Variants in TOX observed in about 807,000 individuals in gnomAD.
TOX encodes the protein thymocyte selection associated high mobility group box, also known as thymocyte selection-associated high mobility group box protein TOX.
TOX carries 11 observed loss-of-function variants against 53.7 expected under a neutral mutation model. The observed-to-expected ratio is 0.20, with a 90% CI of 0.13 to 0.34. TOX has a LOEUF of 0.34. Among genes scored for constraint, TOX ranks in the 10% least tolerant of loss-of-function variants. TOX has a pLI of 1.00. For synonymous variants in TOX, 225 were observed against 245.3 expected, an observed-to-expected ratio of 0.92 and a Z score of 0.77; for missense variants, 570 against 664.6, an observed-to-expected ratio of 0.86 and a Z score of 1.56.
intron 2 of TOX, among the ~76,000 whole-genome samples, chr8:58,954,282 C>T (rs1297975474): frequency 6.6e-6 from 1 of 152,178 alleles, no homozygotes; most frequent in East Asian, 1.9e-4. Flanking sequence ...CAGGGCAGGG[C>T]TGGATTTGCT....
In TOX at chr8:58,838,134, C is replaced by G. The variant is rs1178544628; in HGVS notation, c.871G>C (p.Val291Leu). The G allele has an allele frequency of 1.2e-6, 2 of 1,614,204 alleles. No homozygotes were observed. The highest frequency in any genetic ancestry group is 1.7e-6 in the Non-Finnish European group (2 of 1,180,012). ...CACATTGAAGCCACAATTTTAGAGACTTCGCCAAAGGTAGCGTTTGGATTT... is the reference window on the plus strand; with the variant it reads ...CACATTGAAGCCACAATTTTAGAGAGTTCGCCAAAGGTAGCGTTTGGATTT... ...GQNPNATFGE[V>L]SKIVASMWDG... The change falls in exon 5 of 9, where the codon GTC becomes CTC. Residue 291 changes from valine to leucine, a missense_variant. Coordinates refer to ENST00000361421, the MANE Select transcript of TOX (RefSeq NM_014729.3).
At chr8:59,043,830 A>G (rs1486527033) in intron 1 of TOX, among the ~76,000 whole-genome samples, 1 of 152,198 alleles carries the variant, frequency 6.6e-6, no homozygotes, top group African/African-American at 2.4e-5. Context: ...TTGATCAAAC[A>G]TGTGGAACTG....
intron 3 of TOX, among the ~76,000 whole-genome samples, chr8:58,860,905 ATCTC>A (rs34767694): frequency 0.028 from 4,206 of 152,282 alleles, 86 homozygotes; most frequent in Middle Eastern, 0.044. Flanking sequence ...TGTACATATA[ATCTC>A]TCTTTTGGAT....
intron 3 of TOX, among the ~76,000 whole-genome samples, chr8:58,926,280 ATCC>A (rs1487389854): frequency 5.3e-5 from 8 of 151,996 alleles, no homozygotes; most frequent in Non-Finnish European, 1.0e-4. Flanking sequence ...TGGCCTCATG[ATCC>A]TCTGTGGACC....
chr8:58,953,026 TTTAAA>T (rs746417438), intron 2 of TOX, among the ~76,000 whole-genome samples: 26 of 152,162 alleles, frequency 1.7e-4, no homozygotes, highest in Non-Finnish European at 3.1e-4. Flanking sequence ...TGAATTTCAG[TTTAAA>T]TATTATGGCC....
At chr8:58,926,398 G>A (rs1331540001) in intron 3 of TOX, among the ~76,000 whole-genome samples, 1 of 152,166 alleles carries the variant, frequency 6.6e-6, no homozygotes, top group African/African-American at 2.4e-5. Flanking sequence ...ATGCTTTTGT[G>A]ATCCCAGCCA....
intron 6 of TOX, among the ~76,000 whole-genome samples, chr8:58,824,481 A>G (rs1335049377): frequency 1.3e-5 from 2 of 152,166 alleles, no homozygotes; most frequent in African/African-American, 4.8e-5. Flanking sequence ...CTCTGGCCAC[A>G]CAGACCTTTT....
In TOX at chr8:58,851,413, T is replaced by C. The variant is rs1810819364; in HGVS notation, c.693+111A>G. The C allele has an allele frequency of 8.1e-7, 1 of 1,228,614 alleles. No individual in the cohort carries two copies. Among genetic ancestry groups the C allele is most frequent in the Non-Finnish European group, 1.1e-6 (1 of 875,688 alleles). The allele number at this position is 1,228,614 out of a possible 1,614,324, so 76.1% of individuals were successfully genotyped here. On this transcript the variant is annotated intron_variant, in intron 4 of 8. Transcript: ENST00000361421. This position sits in a 1 kb window ranked among gnomAD's most constrained non-coding sequence, Gnocchi z 4.4. ...CCTCATGCTTCATTAACAAAGCAGG[T>C]GTCTCCCTCCAATGTTTCTCGCATG... is the stretch of plus-strand genomic sequence containing the variant.
intron 6 of TOX, among the ~76,000 whole-genome samples, chr8:58,821,284 T>C (rs913022806): frequency 1.2e-4 from 19 of 152,136 alleles, no homozygotes; most frequent in African/African-American, 4.3e-4. Context: ...TTCAATGATA[T>C]GCAAATCTTT....
intron 1 of TOX, among the ~76,000 whole-genome samples, chr8:59,069,411 T>C (rs1384847267): frequency 1.3e-5 from 2 of 152,168 alleles, no homozygotes; most frequent in African/African-American, 2.4e-5. Flanking sequence ...TGATTTAAGA[T>C]GCAGGATATT....
chr8:58,863,246 T>C (rs1811040306), intron 3 of TOX, among the ~76,000 whole-genome samples: 1 of 152,212 alleles, frequency 6.6e-6, no homozygotes, highest in Non-Finnish European at 1.5e-5. Context: ...TGATTTGAAC[T>C]GGTCTCTCTC....
intron 3 of TOX, among the ~76,000 whole-genome samples, chr8:58,856,880 A>T (rs1379184049): frequency 6.6e-6 from 1 of 152,072 alleles, no homozygotes; most frequent in Non-Finnish European, 1.5e-5. Context: ...GGGTGTGATT[A>T]TTCTGGAGCC....
chr8:59,043,229 C>G (rs1363708468), intron 1 of TOX, among the ~76,000 whole-genome samples: 32 of 119,024 alleles, frequency 2.7e-4, no homozygotes, highest in Admixed American at 1.2e-3. Flanking sequence ...GTGTGTGCAT[C>G]TGTGTGTGTC....
At chr8:58,842,451 T>C (rs1011714512) in intron 4 of TOX, among the ~76,000 whole-genome samples, 1 of 152,240 alleles carries the variant, frequency 6.6e-6, no homozygotes, top group African/African-American at 2.4e-5. Context: ...TCTAGAATTG[T>C]AAGAAATATA....
At chr8:58,951,562 C>A (rs1482278419) in intron 2 of TOX, among the ~76,000 whole-genome samples, 1 of 150,488 alleles carries the variant, frequency 6.6e-6, no homozygotes, top group Non-Finnish European at 1.5e-5. Context: ...TCTCACCTGG[C>A]ATCCCTATTT....
chr8:59,022,728 G>T (rs1814159797), intron 1 of TOX, among the ~76,000 whole-genome samples: 1 of 152,090 alleles, frequency 6.6e-6, no homozygotes, highest in Non-Finnish European at 1.5e-5. Context: ...TTGAATATGG[G>T]ATTTAAAAGT....
At chr8:58,850,544 AT>A (rs1810794547) in intron 4 of TOX, among the ~76,000 whole-genome samples, 1 of 152,142 alleles carries the variant, frequency 6.6e-6, no homozygotes. Context: ...CTGGCTTCAT[AT>A]GTGAGAGTTT....
intron 3 of TOX, among the ~76,000 whole-genome samples, chr8:58,887,290 T>A (rs1042610549): frequency 1.3e-5 from 2 of 151,948 alleles, no homozygotes; most frequent in African/African-American, 4.8e-5. Context: ...TTCCTGTCAA[T>A]TTTTAGTATC....
chr8:58,842,906 T>C (rs1287906308), intron 4 of TOX, among the ~76,000 whole-genome samples: 1 of 152,238 alleles, frequency 6.6e-6, no homozygotes, highest in Non-Finnish European at 1.5e-5. Flanking sequence ...GCTAGCTGGA[T>C]GCAATGTTGC....
Sources: allele counts gnomAD v4.1 joint callset (sites outside exome capture counted in the v4.1 genomes callset), GRCh38; gene constraint gnomAD v4.1.1; non-coding constraint Gnocchi (gnomAD v3.1); transcripts MANE v1.5; gene names NCBI Gene and HGNC (gene_info 2026-07-23, HGNC 2026-07-21).